Variants in ANKRD50 observed in about 807,000 individuals in gnomAD.
The protein encoded by ANKRD50 is ankyrin repeat domain-containing protein 50.
In ANKRD50, 40 loss-of-function variants were observed where a neutral mutation model predicts 112.0. The observed-to-expected ratio is 0.36, with a 90% CI of 0.28 to 0.46. The LOEUF is 0.46. Ranked by LOEUF, ANKRD50 falls within the 20% of genes least tolerant of loss-of-function variation. The pLI, the probability that ANKRD50 is intolerant of heterozygous loss-of-function variation, is 1.00. For synonymous variants in ANKRD50, 613 were observed against 619.1 expected (o/e 0.99, Z 0.15); for missense variants, 1,487 against 1,701.7 (o/e 0.87, Z 2.22).
intron 2 of ANKRD50, among the ~76,000 whole-genome samples, chr4:124,692,928 C>T (rs1430941192): frequency 6.6e-6 from 1 of 152,110 alleles, no homozygotes; most frequent in African/African-American, 2.4e-5. Context: ...CCCATTTATC[C>T]CTCACCCAAA....
At chr4:124,681,654 G>GT (rs1424667286) in intron 2 of ANKRD50, among the ~76,000 whole-genome samples, 2 of 152,194 alleles carry the variant, frequency 1.3e-5, no homozygotes, top group African/African-American at 4.8e-5. Context: ...AATTTGGTGA[G>GT]TAATATTAAT....
At position 124,671,209 on chromosome 4, in the gene ANKRD50, T is replaced by C; in HGVS notation, c.2068A>G (p.Arg690Gly). The C allele has an allele frequency of 6.2e-7, 1 of 1,613,942 alleles. No individual in the cohort carries two copies. The highest frequency in any genetic ancestry group is 1.1e-5 in the South Asian group (1 of 91,084). Residue 690 changes from arginine to glycine, a missense_variant, in exon 4 of 5, where the codon AGA (arginine) becomes GGA (glycine). By Grantham distance (125) the Arg-to-Gly change is moderately radical. Coordinates refer to ENST00000504087, the MANE Select transcript of ANKRD50 (RefSeq NM_020337.3). Reference protein sequence around the residue: ...ALIAAAYMGHREIVEHLLDHG... With the variant: ...ALIAAAYMGHGEIVEHLLDHG... ...TCCAGTAGGTGTTCCACAATCTCTC[T>C]ATGTCCCATGTATGCTGCTGCTATC...
At chr4:124,699,043 G>C (rs970990782) in intron 2 of ANKRD50, among the ~76,000 whole-genome samples, 2 of 152,032 alleles carry the variant, frequency 1.3e-5, no homozygotes, top group East Asian at 3.9e-4. Flanking sequence ...TACAAAACTA[G>C]AGTTTGTAAC....
Position 124,710,073 on chromosome 4 carries a change from G to A in ANKRD50, c.439C>T (p.Leu147=). Residue 147 remains leucine, a synonymous_variant, in exon 2 of 5, where the codon CTA becomes TTA. Coordinates refer to ENST00000504087, the MANE Select transcript of ANKRD50 (RefSeq NM_020337.3). ...SGLLQGYEDK[L]RDPAVQSLLQ... is the part of the protein sequence containing the mutation. ...AGGCTTTGGACTGCTGGATCCCTTA[G>A]CTTGTCCTCATATCCTTGGAGTAGT... 1.2e-6 allele frequency: 2 copies of A among 1,614,138 alleles called. No individual in the cohort carries two copies. Among genetic ancestry groups the A allele is most frequent in the Non-Finnish European group, 1.7e-6 (2 of 1,180,040 alleles).
chr4:124,698,335 G>T (rs1725299735), intron 2 of ANKRD50, among the ~76,000 whole-genome samples: 1 of 151,448 alleles, frequency 6.6e-6, no homozygotes, highest in African/African-American at 2.4e-5. Context: ...ATGTGTAGAT[G>T]TTCTCTTCTA....
intron 2 of ANKRD50, among the ~76,000 whole-genome samples, chr4:124,703,561 T>C (rs186138975): frequency 4.3e-4 from 65 of 152,198 alleles, no homozygotes; most frequent in African/African-American, 1.4e-3. Flanking sequence ...TGGTGAAGGC[T>C]GAACCAAATT....
intron 2 of ANKRD50, among the ~76,000 whole-genome samples, chr4:124,691,093 A>C (rs1311145831): frequency 2.0e-5 from 3 of 152,182 alleles, no homozygotes; most frequent in Non-Finnish European, 4.4e-5. Flanking sequence ...GAAATAGAGG[A>C]AGAGGCTCTA....
Position 124,678,859 on chromosome 4 carries a change from G to A in ANKRD50, c.559C>T (p.Leu187=). ...LLGMKPPQQS[L]YLLVDSVDEG... ...TCAACAGAATCAACAAGCAGGTATA[G>A]GCTTTGCTGGGGAGGCTTCATTCCC... Residue 187 remains leucine (L), a synonymous_variant, in exon 3 of 5, where the codon CTA becomes TTA. Coordinates refer to ENST00000504087, the MANE Select transcript of ANKRD50 (RefSeq NM_020337.3). The A allele has an allele frequency of 6.2e-7, 1 of 1,613,778 alleles. No homozygotes were observed.
intron 3 of ANKRD50, among the ~76,000 whole-genome samples, 181 bp downstream of exon 3, chr4:124,678,495 G>C (rs1169605383): frequency 6.6e-6 from 1 of 152,058 alleles, no homozygotes; most frequent in Non-Finnish European, 1.5e-5. Context: ...AAAAAAGTAT[G>C]TTTAAATGAT....
intron 2 of ANKRD50, 116 bp from the exon 3 acceptor site, chr4:124,679,021 G>A: frequency 2.5e-6 from 2 of 785,060 alleles, no homozygotes; most frequent in Non-Finnish European, 3.9e-6. Flanking sequence ...TAAGGTATTA[G>A]AACAAAAAAT....
chr4:124,697,409 G>A (rs1725278193), intron 2 of ANKRD50, among the ~76,000 whole-genome samples: 1 of 152,152 alleles, frequency 6.6e-6, no homozygotes, highest in African/African-American at 2.4e-5. Flanking sequence ...GCAATGTTGG[G>A]AGGTGGTCAA....
At position 124,672,041 on chromosome 4, in the gene ANKRD50, G is replaced by T. The variant is rs144274174; in HGVS notation, c.1236C>A (p.Ala412=). The T allele has an allele frequency of 2.5e-6, 4 of 1,613,786 alleles. No homozygotes were observed. The highest frequency in any genetic ancestry group is 3.4e-6 in the Non-Finnish European group (4 of 1,179,848). Residue 412 remains alanine (A), a synonymous_variant, in exon 4 of 5, where the codon GCC becomes GCA. Coordinates refer to ENST00000504087, the MANE Select transcript of ANKRD50 (RefSeq NM_020337.3). The part of the protein sequence containing the change: ...NTKILFHYSF[A]EWLLDVKHCT... ...AGTGTTTCACATCCAGAAGCCACTC[G>T]GCAAAACTATAATGAAACAGTATTT...
At chr4:124,693,067 G>A (rs13110982) in intron 2 of ANKRD50, among the ~76,000 whole-genome samples, 27,622 of 152,074 alleles carry the variant, frequency 0.18, 2,602 homozygotes, top group South Asian at 0.24. Flanking sequence ...TCTTCATTTT[G>A]AAGTCCCTCT....
intron 2 of ANKRD50, among the ~76,000 whole-genome samples, chr4:124,702,699 T>C (rs1329111369): frequency 6.6e-6 from 1 of 152,186 alleles, no homozygotes; most frequent in Non-Finnish European, 1.5e-5. Flanking sequence ...TGCTTTATCA[T>C]CCTGTTTCTT....
At position 124,670,964 on chromosome 4, in the gene ANKRD50, T is replaced by C. The variant is rs1376354822; in HGVS notation, c.2313A>G (p.Gly771=). 1 of 1,613,602 alleles carries C rather than the reference T, an allele frequency of 6.2e-7. No individual in the cohort carries two copies. The highest frequency in any genetic ancestry group is 8.5e-7 in the Non-Finnish European group (1 of 1,179,874). ...TGTTATCTGTGTGATCTACATCTGC[T>C]CCCCCTTCTAGAAGCAAGTCAACCA... ...VDVVDLLLEG[G]ADVDHTDNNG... Residue 771 remains glycine (G), a synonymous_variant, in exon 4 of 5, where the codon GGA becomes GGG. Coordinates refer to ENST00000504087, the MANE Select transcript of ANKRD50 (RefSeq NM_020337.3).
intron 2 of ANKRD50, among the ~76,000 whole-genome samples, chr4:124,685,372 T>C (rs1310370959): frequency 1.3e-5 from 2 of 152,218 alleles, no homozygotes; most frequent in Non-Finnish European, 2.9e-5. Flanking sequence ...AGAATTTCCA[T>C]ATTAAGTTCC....
intron 2 of ANKRD50, among the ~76,000 whole-genome samples, chr4:124,700,415 A>G (rs945861423): frequency 6.6e-6 from 1 of 152,208 alleles, no homozygotes; most frequent in African/African-American, 2.4e-5. Flanking sequence ...AAGAGAAACA[A>G]TAACAACAAG....
chr4:124,704,520 TATACC>T (rs1725461447), intron 2 of ANKRD50, among the ~76,000 whole-genome samples: 1 of 152,200 alleles, frequency 6.6e-6, no homozygotes, highest in Non-Finnish European at 1.5e-5. Context: ...TAATAATCAC[TATACC>T]AGTCTGGTCT....
rs780721897 is a variant in ANKRD50 at position 124,710,858 on chromosome 4, G to A, written c.-347C>T. On this transcript the variant is annotated 5_prime_UTR_variant, in exon 2 of 5. Coordinates refer to ENST00000504087, the MANE Select transcript of ANKRD50 (RefSeq NM_020337.3). ...CAAGAACAGAGATGAGACAATACAT[G>A]TGGAAAACTAAAGAAAAAACCCAAT... 7 of 415,866 alleles carry A rather than the reference G, an allele frequency of 1.7e-5. No homozygotes were observed. Among genetic ancestry groups the A allele is most frequent in the Non-Finnish European group, 3.0e-5 (7 of 234,386 alleles). 25.8% of individuals were successfully genotyped at this position (415,866 alleles called of 1,614,324 possible).
Sources: gnomAD v4.1 joint callset for allele counts (sites outside exome capture counted in the v4.1 genomes callset) on GRCh38, gnomAD v4.1.1 for gene constraint, MANE v1.5 for transcripts, NCBI Gene and HGNC (gene_info 2026-07-23, HGNC 2026-07-21) for gene names.